Variants in EYA2 observed in about 807,000 individuals in gnomAD.
EYA2 encodes protein phosphatase EYA2.
EYA2 carries 31 observed loss-of-function variants against 69.2 expected under a neutral mutation model. The ratio of observed to expected loss-of-function variants is 0.45; its 90% CI spans 0.34 to 0.60. The LOEUF is 0.60. EYA2 is among the 20% of genes least tolerant of loss of function. The probability of loss-of-function intolerance (pLI) is 0.02; values close to 1 mark genes in which losing one functional copy is unlikely to be tolerated. For synonymous variants in EYA2, 257 were observed against 279.4 expected (o/e 0.92, Z 0.80); for missense variants, 622 against 701.2 (o/e 0.89, Z 1.28).
rs200743714 is a variant in EYA2 at position 46,995,343 on chromosome 20, CAA to C, written c.109+5226_109+5227del. Among the ~76,000 whole-genome samples, 526 of 152,302 alleles carry C rather than the reference CAA, an allele frequency of 3.5e-3. 1 individual carries two copies. Among genetic ancestry groups the C allele is most frequent in the African/African-American group, 0.012 (486 of 41,570 alleles). On this transcript the variant is annotated intron_variant, in intron 2 of 15. Coordinates refer to ENST00000327619, the MANE Select transcript of EYA2 (RefSeq NM_005244.5). ...AAAATTAATTTGCAACGATTTCAAT[CAA>C]AGAGGGAGTATTTATAGACTCCCTA...
intron 5 of EYA2, among the ~76,000 whole-genome samples, chr20:47,064,425 G>A (rs947468694): frequency 2.6e-5 from 4 of 152,236 alleles, no homozygotes; most frequent in African/African-American, 9.6e-5. Context: ...CAGCCACTGT[G>A]AGTAGTGCTC....
At chr20:47,175,677 C>T (rs2034411882) in intron 12 of EYA2, among the ~76,000 whole-genome samples, 1 of 152,172 alleles carries the variant, frequency 6.6e-6, no homozygotes, top group African/African-American at 2.4e-5. Context: ...GAGGAAACAG[C>T]TTGAAGCACA....
intron 1 of EYA2, among the ~76,000 whole-genome samples, chr20:46,943,808 C>A (rs1455954893): frequency 6.6e-6 from 1 of 152,198 alleles, no homozygotes; most frequent in Non-Finnish European, 1.5e-5. Context: ...TTTGTTGCCT[C>A]ATTTGTGCAT....
intron 9 of EYA2, among the ~76,000 whole-genome samples, chr20:47,133,055 A>G (rs2033380812): frequency 6.6e-6 from 1 of 152,198 alleles, no homozygotes; most frequent in Non-Finnish European, 1.5e-5. Flanking sequence ...CAGAAATTCA[A>G]TGCACATCAG....
intron 1 of EYA2, among the ~76,000 whole-genome samples, chr20:46,985,946 A>G (rs1463413397): frequency 6.6e-6 from 1 of 152,182 alleles, no homozygotes; most frequent in African/African-American, 2.4e-5. Flanking sequence ...CTCTCATAGC[A>G]TCTGGATATC....
intron 5 of EYA2, among the ~76,000 whole-genome samples, chr20:47,037,418 C>T (rs762479275): frequency 3.3e-5 from 5 of 152,212 alleles, no homozygotes; most frequent in Non-Finnish European, 7.3e-5. Flanking sequence ...TGTTCATTGG[C>T]ATTATTACGT....
intron 7 of EYA2, among the ~76,000 whole-genome samples, chr20:47,079,197 A>G (rs945726131): frequency 3.3e-5 from 5 of 152,220 alleles, no homozygotes; most frequent in African/African-American, 1.2e-4. Context: ...AGTATGGTAC[A>G]ATCAGAAATG....
At chr20:47,004,679 G>A (rs1012889116) in intron 3 of EYA2, among the ~76,000 whole-genome samples, 3 of 152,206 alleles carry the variant, frequency 2.0e-5, no homozygotes, top group African/African-American at 7.2e-5. Context: ...GGCCAGGCCT[G>A]CGAGTGGCTT....
rs1187885790 is a variant in EYA2 at position 46,899,949 on chromosome 20, G to A, written c.-11+4962G>A. Among the ~76,000 whole-genome samples the A allele has an allele frequency of 3.3e-5, 5 of 152,164 alleles. No homozygotes were observed. The East Asian group carries it at 7.7e-4, about 23-fold the overall frequency. On this transcript the variant is annotated intron_variant, in intron 1 of 15. Transcript: ENST00000327619. ...TCTAAAACAGGAACTTAGACGCGCC[G>A]CAATGCCAATTTAAACATCTTTAAA...
At chr20:46,913,026 C>T (rs1984731979) in intron 1 of EYA2, among the ~76,000 whole-genome samples, 1 of 152,282 alleles carries the variant, frequency 6.6e-6, no homozygotes, top group African/African-American at 2.4e-5. Flanking sequence ...ATAGGGTGGC[C>T]ACTGTGATGG....
At position 47,057,087 on chromosome 20, in the gene EYA2, G is replaced by A. The variant is rs6012105; in HGVS notation, c.416-15098G>A. ...AAGAAGGGAGGGAGGGAGGGAGGAAGGAAGAAAGGAAGGAGGGAGGGAGGG... is the reference window on the plus strand; with the variant it reads ...AAGAAGGGAGGGAGGGAGGGAGGAAAGAAGAAAGGAAGGAGGGAGGGAGGG... On this transcript the variant is annotated intron_variant, in intron 5 of 15. Coordinates refer to ENST00000327619, the MANE Select transcript of EYA2 (RefSeq NM_005244.5). Among the ~76,000 whole-genome samples, 978 of 120,402 alleles carry A rather than the reference G, an allele frequency of 8.1e-3. 18 individuals are homozygous for A. The highest frequency in any genetic ancestry group is 0.029 in the African/African-American group (926 of 31,734). The allele number at this position is 120,402 out of a possible 152,430, so 79.0% of individuals were successfully genotyped here. A position where few individuals can be genotyped will look rare whatever the true frequency, so the allele number is the denominator to read the frequency against.
chr20:46,923,211 T>C (rs1985258494), intron 1 of EYA2, among the ~76,000 whole-genome samples: 1 of 151,918 alleles, frequency 6.6e-6, no homozygotes, highest in African/African-American at 2.4e-5. Context: ...CTACTAAAAA[T>C]ACAAATTAGC....
intron 1 of EYA2, among the ~76,000 whole-genome samples, chr20:46,917,120 A>C (rs1984945486): frequency 6.6e-6 from 1 of 152,316 alleles, no homozygotes; most frequent in East Asian, 1.9e-4. Context: ...CCCCGAGTCA[A>C]AATCTTCCTA....
intron 5 of EYA2, among the ~76,000 whole-genome samples, chr20:47,026,518 A>C (rs751064702): frequency 2.0e-5 from 3 of 152,218 alleles, no homozygotes; most frequent in East Asian, 1.9e-4. Context: ...AACAAACAAA[A>C]AAAAAGAAAA....
intron 7 of EYA2, among the ~76,000 whole-genome samples, chr20:47,084,010 C>T (rs2146495233): frequency 6.6e-6 from 1 of 152,326 alleles, no homozygotes; most frequent in East Asian, 1.9e-4. Flanking sequence ...CTTTGGGAGG[C>T]CAAGGCAGGC....
chr20:46,941,547 A>G (rs1467461443), intron 1 of EYA2, among the ~76,000 whole-genome samples: 1 of 152,226 alleles, frequency 6.6e-6, no homozygotes, highest in Non-Finnish European at 1.5e-5. Flanking sequence ...CACTATTAAA[A>G]GAAGCAGTAA....
intron 5 of EYA2, among the ~76,000 whole-genome samples, chr20:47,046,855 A>G (rs971310494): frequency 2.0e-5 from 3 of 152,182 alleles, no homozygotes; most frequent in Admixed American, 6.5e-5. Flanking sequence ...CAGCTGCCTC[A>G]TGGAACAAGC....
Position 47,151,781 on chromosome 20 carries a change from G to A in EYA2, c.978+8633G>A, listed in dbSNP as rs542081348. Among the ~76,000 whole-genome samples the A allele has an allele frequency of 3.4e-4, 52 of 152,098 alleles. 2 individuals carry two copies. In the South Asian group the frequency reaches 0.011, roughly 31 times the overall value. The stretch of plus-strand genomic sequence containing the variant: ...TTCATAATTATTTAAAGTAATTGAT[G>A]TGAATTCTGTGTTCCCCACCAGCTG... On this transcript the variant is annotated intron_variant, in intron 10 of 15. Coordinates refer to ENST00000327619, the MANE Select transcript of EYA2 (RefSeq NM_005244.5).
chr20:46,970,204 A>T (rs2146298640), intron 1 of EYA2, among the ~76,000 whole-genome samples: 1 of 152,328 alleles, frequency 6.6e-6, no homozygotes, highest in Middle Eastern at 3.4e-3. Flanking sequence ...ACTTCCTAAA[A>T]TCCAGAGCGA....
Sources: gnomAD v4.1 joint callset for allele counts (sites outside exome capture counted in the v4.1 genomes callset) on GRCh38, gnomAD v4.1.1 for gene constraint, MANE v1.5 for transcripts, NCBI Gene and HGNC (gene_info 2026-07-23, HGNC 2026-07-21) for gene names.